RBM6: variants seen among roughly 807,000 people sequenced by gnomAD.
RBM6 encodes RNA binding motif protein 6.
Under a neutral mutation model 140.4 loss-of-function variants are expected in RBM6, and 23 were observed. That is an observed-to-expected ratio of 0.16 (90% CI 0.12 to 0.23). The LOEUF is 0.23. RBM6 is among the 10% of genes least tolerant of loss of function. RBM6 has a pLI of 1.00. For synonymous variants in RBM6, 439 were observed against 475.6 expected (o/e 0.92, Z 1.00); for missense variants, 1,139 against 1,386.7 (o/e 0.82, Z 2.84).
intron 14 of RBM6, 70 bp from the exon 15 acceptor site, chr3:50,061,892 C>T (rs574228423): frequency 2.8e-5 from 44 of 1,551,176 alleles, no homozygotes; most frequent in Non-Finnish European, 3.3e-5. Flanking sequence ...GGGAACTGTG[C>T]GCCTTAGACC....
chr3:50,042,308 C>T (rs1559622397), intron 6 of RBM6, among the ~76,000 whole-genome samples: 2 of 152,184 alleles, frequency 1.3e-5, no homozygotes, highest in Admixed American at 6.6e-5. Context: ...ATGGGAAGAT[C>T]ACACAGCAAT....
intron 5 of RBM6, among the ~76,000 whole-genome samples, chr3:49,982,184 T>C (rs931324700): frequency 1.3e-5 from 2 of 151,980 alleles, no homozygotes; most frequent in Non-Finnish European, 2.9e-5. Context: ...AGTCACTTGG[T>C]CTGTTGCCTG....
At chr3:50,061,019 A>G in intron 12 of RBM6, 21 bp downstream of exon 12, 1 of 1,596,484 alleles carries the variant, frequency 6.3e-7, no homozygotes, top group Non-Finnish European at 8.5e-7. Flanking sequence ...ACAGGTGGGG[A>G]GTGCTCTATT....
chr3:49,946,789 C>T (rs2083505591), intron 1 of RBM6, among the ~76,000 whole-genome samples: 1 of 151,642 alleles, frequency 6.6e-6, no homozygotes, highest in African/African-American at 2.4e-5. Context: ...TCCACCTTGG[C>T]CTCCCAAGGT....
At position 49,962,674 on chromosome 3, in the gene RBM6, T is replaced by G. The variant is rs569238601; in HGVS notation, c.33T>G (p.Thr11=). Residue 11 remains threonine, a synonymous_variant, in exon 2 of 21, where the codon ACT becomes ACG. Coordinates refer to ENST00000266022, the MANE Select transcript of RBM6 (RefSeq NM_005777.3). MWGDSRPANR[T]GPFRGSQEER... ...GGGATTCTCGACCTGCTAACAGAACTGGACCTTTTCGGTAAGTTCTCAAAT... is the reference window on the plus strand; with the variant it reads ...GGGATTCTCGACCTGCTAACAGAACGGGACCTTTTCGGTAAGTTCTCAAAT... 35 of 1,575,472 alleles carry G rather than the reference T, an allele frequency of 2.2e-5. No individual in the cohort carries two copies. In the East Asian group the frequency reaches 8.0e-4, roughly 36 times the overall value.
At chr3:50,012,365 TC>T (rs2086889398) in intron 6 of RBM6, among the ~76,000 whole-genome samples, 1 of 151,426 alleles carries the variant, frequency 6.6e-6, no homozygotes, top group South Asian at 2.1e-4. Flanking sequence ...ATTTTTTTTT[TC>T]TTTTTTTTTG....
chr3:50,004,236 T>G (rs1432912529), intron 6 of RBM6, among the ~76,000 whole-genome samples: 1 of 152,154 alleles, frequency 6.6e-6, no homozygotes, highest in African/African-American at 2.4e-5. Context: ...TTCTCTGAAA[T>G]TTTTATTCTC....
intron 6 of RBM6, among the ~76,000 whole-genome samples, chr3:50,001,420 C>G (rs534754464): frequency 6.6e-6 from 1 of 152,250 alleles, no homozygotes; most frequent in South Asian, 2.1e-4. Flanking sequence ...CTGCTGCACT[C>G]TAGCCTGGGG....
intron 6 of RBM6, among the ~76,000 whole-genome samples, chr3:50,032,569 C>T (rs1301703910): frequency 6.6e-6 from 1 of 151,736 alleles, no homozygotes; most frequent in East Asian, 1.9e-4. Flanking sequence ...TCTTAATTTC[C>T]CAGAATGAGA....
chr3:49,974,983 G>C (rs1258635688), intron 4 of RBM6, among the ~76,000 whole-genome samples: 1 of 151,576 alleles, frequency 6.6e-6, no homozygotes. Flanking sequence ...CACCACGCCC[G>C]GTCTCTCCTG....
intron 5 of RBM6, 133 bp downstream of exon 5, chr3:49,975,525 A>G: frequency 1.4e-6 from 1 of 713,386 alleles, no homozygotes. Context: ...GGTGCCTCCA[A>G]ATAACAACCA....
chr3:50,066,725 G>A (rs984058279), intron 17 of RBM6, among the ~76,000 whole-genome samples: 1 of 152,176 alleles, frequency 6.6e-6, no homozygotes, highest in African/African-American at 2.4e-5. Context: ...CCACTCGGGA[G>A]GCTGAGGCAG....
At chr3:50,055,420 A>G (rs1422047173) in intron 8 of RBM6, among the ~76,000 whole-genome samples, 2 of 150,846 alleles carry the variant, frequency 1.3e-5, no homozygotes, top group African/African-American at 4.9e-5. Context: ...ACAGAGTGAG[A>G]AAAAAAAAAT....
chr3:49,985,482 T>C (rs2085511054), intron 5 of RBM6, among the ~76,000 whole-genome samples: 2 of 152,210 alleles, frequency 1.3e-5, no homozygotes, highest in South Asian at 4.1e-4. Flanking sequence ...TTAGGTTATC[T>C]CTTAGGTCTT....
intron 6 of RBM6, among the ~76,000 whole-genome samples, chr3:50,018,218 T>C (rs1210566274): frequency 3.3e-5 from 5 of 152,250 alleles, no homozygotes; most frequent in African/African-American, 1.2e-4. Flanking sequence ...CACTGAACTT[T>C]TTATTGTCCG....
chr3:50,007,572 G>A (rs1259976477), intron 6 of RBM6, among the ~76,000 whole-genome samples: 3 of 148,880 alleles, frequency 2.0e-5, no homozygotes, highest in South Asian at 2.1e-4. Flanking sequence ...TGGCTCTGTC[G>A]CCCAGGTTGG....
In RBM6 at chr3:50,070,438, C is replaced by G. The variant is rs369468966; in HGVS notation, c.3019-17C>G. ...CTCAGGTGGCAATCTCAGGTCTGCTCTTCTGCTTACCAACAGGGAAAGTTT... is the reference window on the plus strand; with the variant it reads ...CTCAGGTGGCAATCTCAGGTCTGCTGTTCTGCTTACCAACAGGGAAAGTTT... On this transcript the variant is annotated splice_polypyrimidine_tract_variant and intron_variant, in intron 18 of 20. Transcript: ENST00000266022. 6.2e-7 allele frequency: 1 copy of G among 1,600,460 alleles called. No homozygotes were observed. The highest frequency in any genetic ancestry group is 8.6e-7 in the Non-Finnish European group (1 of 1,167,908).
chr3:49,957,523 A>G (rs1012208804), intron 1 of RBM6, among the ~76,000 whole-genome samples: 1 of 152,024 alleles, frequency 6.6e-6, no homozygotes, highest in African/African-American at 2.4e-5. Flanking sequence ...TATTCTAAAG[A>G]TATGTTCTTT....
intron 6 of RBM6, among the ~76,000 whole-genome samples, chr3:50,038,724 T>G (rs2088690732): frequency 1.3e-5 from 2 of 152,058 alleles, no homozygotes; most frequent in African/African-American, 4.8e-5. Context: ...TCCCAACTAC[T>G]CAGGAGGCTG....
Sources: gnomAD v4.1 joint callset for allele counts (sites outside exome capture counted in the v4.1 genomes callset) on GRCh38, gnomAD v4.1.1 for gene constraint, MANE v1.5 for transcripts, NCBI Gene and HGNC (gene_info 2026-07-23, HGNC 2026-07-21) for gene names.